The following CHL1 variants were observed in gnomAD, a reference collection of about 807,000 sequenced individuals.
The protein encoded by CHL1 is cell adhesion molecule L1 like, also known as neural cell adhesion molecule L1-like protein.
CHL1 carries 96 observed loss-of-function variants against 141.9 expected under a neutral mutation model. The observed-to-expected ratio is 0.68, with a 90% CI of 0.57 to 0.80. CHL1 has a LOEUF of 0.80. Ranked by LOEUF, CHL1 falls within the 30% of genes least tolerant of loss-of-function variation. The pLI, the probability that CHL1 is intolerant of heterozygous loss-of-function variation, is 0.00. For missense variants in CHL1, 1,820 were observed against 1,457.2 expected, an observed-to-expected ratio of 1.25 and a Z score of -4.05; for synonymous variants, 613 against 502.2, an observed-to-expected ratio of 1.22 and a Z score of -2.95.
intron 8 of CHL1, among the ~76,000 whole-genome samples, chr3:344,336 T>C (rs1338749910): frequency 2.6e-5 from 4 of 152,158 alleles, no homozygotes; most frequent in African/African-American, 4.8e-5. Flanking sequence ...TTAGCAGATA[T>C]GGTATAAATA....
At chr3:242,854 A>G (rs1048469315) in intron 1 of CHL1, among the ~76,000 whole-genome samples, 1 of 152,198 alleles carries the variant, frequency 6.6e-6, no homozygotes, top group Non-Finnish European at 1.5e-5. Flanking sequence ...TACAGTCTCC[A>G]TGCCTAATGT....
At chr3:229,178 C>T (rs1031523528) in intron 1 of CHL1, among the ~76,000 whole-genome samples, 2 of 152,140 alleles carry the variant, frequency 1.3e-5, no homozygotes, top group Non-Finnish European at 2.9e-5. Context: ...CATTTCACTT[C>T]TTATTAATTA....
rs545743306 is a variant in CHL1, at chr3:198,156, G to T, written c.-175+1093G>T. 13 of 197,906 alleles carry T rather than the reference G, an allele frequency of 6.6e-5. No individual in the cohort carries two copies. The South Asian group carries it at 9.2e-4, about 14-fold the overall frequency. 12.3% of individuals were successfully genotyped at this position (197,906 alleles called of 1,614,324 possible). On this transcript the variant is annotated intron_variant, in intron 1 of 27. Transcript: ENST00000256509. ...GGTGGGCGTTTGGGCTGCTGGGCGG[G>T]AAGGCGGGCGGGGAAGGGGTGGGAG...
In CHL1 at chr3:335,589, G is replaced by A. The variant is rs116476177; in HGVS notation, c.386-5205G>A. Among the ~76,000 whole-genome samples, 484 of 152,310 alleles carry A rather than the reference G, an allele frequency of 3.2e-3. 1 individual carries two copies. The highest frequency in any genetic ancestry group is 0.011 in the African/African-American group (455 of 41,574). ...TAAGTGAAATGTACGGCCCTGGAAA[G>A]CTCACCAGGCCAGTCCTGTAAACGG... On this transcript the variant is annotated intron_variant, in intron 5 of 27. Transcript: ENST00000256509.
At chr3:227,411 C>A (rs757242545) in intron 1 of CHL1, among the ~76,000 whole-genome samples, 4 of 152,174 alleles carry the variant, frequency 2.6e-5, no homozygotes, top group Non-Finnish European at 4.4e-5. Context: ...AGAGGGAAGA[C>A]AAACATATGA....
chr3:405,719 A>C lies in CHL1; in HGVS notation c.*8A>C, dbSNP rs1709492068. The C allele has an allele frequency of 4.4e-6, 7 of 1,604,012 alleles. No homozygotes were observed. The highest frequency in any genetic ancestry group is 6.0e-6 in the Non-Finnish European group (7 of 1,171,198). On this transcript the variant is annotated 3_prime_UTR_variant, in exon 28 of 28. Coordinates refer to ENST00000256509, the MANE Select transcript of CHL1 (RefSeq NM_006614.4). ...TTTCCCCTTCGGGCATAAACACAAC[A>C]TATGTAAGCAACGCTACTGGTTCAC...
intron 3 of CHL1, 146 bp downstream of exon 3, chr3:320,013 T>C: frequency 3.5e-6 from 2 of 573,044 alleles, no homozygotes; most frequent in South Asian, 4.7e-5. Flanking sequence ...TTCATATCTA[T>C]CTTTTTCGTT....
intron 19 of CHL1, chr3:385,567 T>C (rs9847341): frequency 0.6 from 91,469 of 152,280 alleles, 27,718 homozygotes; most frequent in East Asian, 0.82. Flanking sequence ...CTGTGGCTCA[T>C]GCCTGTAATC....
At position 360,396 on chromosome 3, in the gene CHL1, C is replaced by G. The variant is rs1704119828; in HGVS notation, c.1278C>G (p.Ile426Met). 1 of 1,613,638 alleles carries G rather than the reference C, an allele frequency of 6.2e-7. No individual in the cohort carries two copies. Among genetic ancestry groups the G allele is most frequent in the African/African-American group, 1.3e-5 (1 of 74,884 alleles). The stretch of plus-strand genomic sequence containing the variant: ...AAGCCTCAAATGTCCATGGAACTAT[C>G]CTTGCCAATGCCAATATTGATGTTG... ...QCEASNVHGT[I>M]LANANIDVVD... The change falls in exon 12 of 28, where the codon ATC becomes ATG. Residue 426 changes from isoleucine to methionine, a missense_variant. By Grantham distance (10) the Ile-to-Met change is conservative. Coordinates refer to ENST00000256509, the MANE Select transcript of CHL1 (RefSeq NM_006614.4).
In CHL1 at chr3:360,445, A is replaced by C. The variant is rs749760345; in HGVS notation, c.1306+21A>C. 7 of 1,611,528 alleles carry C rather than the reference A, an allele frequency of 4.3e-6. No individual in the cohort carries two copies. The South Asian group carries it at 7.7e-5, about 18-fold the overall frequency. On this transcript the variant is annotated intron_variant, in intron 12 of 27. Transcript: ENST00000256509. Reference sequence around the variant, plus strand: ...TGTGGGTGAGTGTGCCTGGGAGCTGACTTAACATGCTATTTTCCTAAGGAA... The same window carrying C: ...TGTGGGTGAGTGTGCCTGGGAGCTGCCTTAACATGCTATTTTCCTAAGGAA...
At chr3:391,640 T>G (rs1559351568) in intron 22 of CHL1, 35 bp from the exon 23 acceptor site, 1 of 1,515,486 alleles carries the variant, frequency 6.6e-7, no homozygotes, top group Non-Finnish European at 9.0e-7. Context: ...TTTTTCTAAT[T>G]GATGTGAGTT....
chr3:388,857 C>T (rs181808370), intron 19 of CHL1, among the ~76,000 whole-genome samples: 7 of 152,172 alleles, frequency 4.6e-5, no homozygotes, highest in Non-Finnish European at 1.5e-5. Context: ...CCAAAGAATT[C>T]GTGGCCATAT....
At position 406,513 on chromosome 3, in the gene CHL1, T is replaced by A. The variant is rs1709542582; in HGVS notation, c.*802T>A. ...ATTGTTCAGGATTCTAATAGCTACA[T>A]CTACTTAATATCTTCATTTCTAAAT... On this transcript the variant is annotated 3_prime_UTR_variant, in exon 28 of 28. Coordinates refer to ENST00000256509, the MANE Select transcript of CHL1 (RefSeq NM_006614.4). 6.6e-6 allele frequency: 1 copy of A among 152,076 alleles called. No individual in the cohort carries two copies. Among genetic ancestry groups the A allele is most frequent in the Admixed American group, 6.6e-5 (1 of 15,256 alleles). 9.4% of individuals were successfully genotyped at this position (152,076 alleles called of 1,614,324 possible).
intron 11 of CHL1, among the ~76,000 whole-genome samples, chr3:358,176 A>C (rs1246752224): frequency 6.6e-6 from 1 of 152,236 alleles, no homozygotes; most frequent in African/African-American, 2.4e-5. Flanking sequence ...TCAAAATGTC[A>C]GCAGTGCCAT....
At chr3:333,132 T>TTTTTTTTTTTTTTTTTG (rs1701586842) in intron 5 of CHL1, among the ~76,000 whole-genome samples, 1 of 96,238 alleles carries the variant, frequency 1.0e-5, no homozygotes, top group African/African-American at 4.2e-5. Context: ...CTATTTTTTT[T>TTTTTTTTTTTTTTTTTG]ATTTTTTTTT....
intron 5 of CHL1, among the ~76,000 whole-genome samples, chr3:339,060 C>T (rs1702159791): frequency 6.6e-6 from 1 of 152,278 alleles, no homozygotes; most frequent in African/African-American, 2.4e-5. Context: ...TTTCCATTTT[C>T]TAATCCATAT....
At chr3:218,714 A>G (rs1559286656) in intron 1 of CHL1, among the ~76,000 whole-genome samples, 1 of 152,238 alleles carries the variant, frequency 6.6e-6, no homozygotes, top group Non-Finnish European at 1.5e-5. Flanking sequence ...GACATAAAGA[A>G]CAAAATAATA....
chr3:360,534 C>G, intron 12 of CHL1, 110 bp downstream of exon 12: 1 of 1,080,356 alleles, frequency 9.3e-7, no homozygotes, highest in Non-Finnish European at 1.3e-6. Context: ...AGGGAAAAAT[C>G]AAACTACTTT....
intron 2 of CHL1, among the ~76,000 whole-genome samples, chr3:266,420 G>T (rs1335235151): frequency 6.6e-6 from 1 of 152,134 alleles, no homozygotes; most frequent in Non-Finnish European, 1.5e-5. Context: ...TCATTTTGAA[G>T]GTCTGGCTGC....
Sources: gnomAD v4.1 joint callset for allele counts (sites outside exome capture counted in the v4.1 genomes callset) on GRCh38, gnomAD v4.1.1 for gene constraint, MANE v1.5 for transcripts, NCBI Gene and HGNC (gene_info 2026-07-23, HGNC 2026-07-21) for gene names.